Variants in FOXP1 observed in about 807,000 individuals in gnomAD.
The protein encoded by FOXP1 is forkhead box protein P1.
Under a neutral mutation model 98.2 loss-of-function variants are expected in FOXP1, and 15 were observed. The ratio of observed to expected loss-of-function variants is 0.15; its 90% CI spans 0.10 to 0.24. The LOEUF (loss-of-function observed/expected upper bound fraction) is 0.24. Among genes scored for constraint, FOXP1 ranks in the 10% least tolerant of loss-of-function variants. The pLI is 1.00. For synonymous variants in FOXP1, 371 were observed against 314.5 expected, an observed-to-expected ratio of 1.18 and a Z score of -1.90; for missense variants, 633 against 848.5, an observed-to-expected ratio of 0.75 and a Z score of 3.15.
chr3:71,048,936 C>T (rs2049429501), intron 9 of FOXP1, among the ~76,000 whole-genome samples: 1 of 151,976 alleles, frequency 6.6e-6, no homozygotes, highest in Non-Finnish European at 1.5e-5. Context: ...TAGGAAAAAG[C>T]TCATGAAAGC....
chr3:71,245,716 C>A (rs1323924717), intron 5 of FOXP1, among the ~76,000 whole-genome samples: 1 of 152,040 alleles, frequency 6.6e-6, no homozygotes, highest in East Asian at 1.9e-4. Flanking sequence ...CTTAACCATT[C>A]ATGCACCTGA....
intron 3 of FOXP1, among the ~76,000 whole-genome samples, chr3:71,407,713 T>C (rs1378694810): frequency 6.6e-6 from 1 of 151,924 alleles, no homozygotes; most frequent in Non-Finnish European, 1.5e-5. Flanking sequence ...ATGTCTTTGA[T>C]GCCGTGAAAT....
chr3:71,312,422 T>A (rs1490465291), intron 4 of FOXP1, among the ~76,000 whole-genome samples: 1 of 152,246 alleles, frequency 6.6e-6, no homozygotes, highest in Non-Finnish European at 1.5e-5. Context: ...AATTCAGGCT[T>A]CAAGCTCCCC....
intron 1 of FOXP1, 122 bp downstream of exon 1, chr3:71,583,449 C>G: frequency 1.0e-6 from 1 of 958,254 alleles, no homozygotes; most frequent in Non-Finnish European, 1.2e-6. Flanking sequence ...CATTTTTTTT[C>G]TCTTTTTCTT....
intron 7 of FOXP1, among the ~76,000 whole-genome samples, chr3:71,085,735 C>CTTTTTTTCTTTTTTTTTTTTTTT (rs2054987903): frequency 2.7e-5 from 1 of 37,038 alleles, no homozygotes; most frequent in Non-Finnish European, 4.7e-5. Context: ...CATTTATGGC[C>CTTTTTTTCTTTTTTTTTTTTTTT]TTTTTTTTTT....
intron 7 of FOXP1, among the ~76,000 whole-genome samples, chr3:71,102,888 A>T (rs2057091824): frequency 6.6e-6 from 1 of 152,190 alleles, no homozygotes; most frequent in African/African-American, 2.4e-5. Context: ...TATCAGCTGT[A>T]TGGCCTTGGA....
intron 5 of FOXP1, among the ~76,000 whole-genome samples, chr3:71,284,826 T>C (rs2071940441): frequency 6.6e-6 from 1 of 152,200 alleles, no homozygotes; most frequent in East Asian, 1.9e-4. Flanking sequence ...GTCAACTATA[T>C]GTACATTCCA....
At chr3:71,391,753 C>T (rs1458117243) in intron 3 of FOXP1, among the ~76,000 whole-genome samples, 1 of 152,200 alleles carries the variant, frequency 6.6e-6, no homozygotes, top group Non-Finnish European at 1.5e-5. Flanking sequence ...GGAGAATTCT[C>T]TAGAGCTTCC....
chr3:71,572,308 C>A (rs1322269739), intron 2 of FOXP1: 1 of 152,068 alleles, frequency 6.6e-6, no homozygotes, highest in Admixed American at 6.5e-5. Context: ...AAAACACAGA[C>A]AAATGAACAA....
intron 3 of FOXP1, among the ~76,000 whole-genome samples, chr3:71,454,452 A>T (rs776383577): frequency 1.8e-4 from 28 of 152,212 alleles, no homozygotes; most frequent in Non-Finnish European, 3.1e-4. Context: ...AAAAGCACCC[A>T]AAGAGTCGCT....
intron 3 of FOXP1, among the ~76,000 whole-genome samples, chr3:71,492,513 T>C (rs1052671464): frequency 1.4e-4 from 22 of 152,072 alleles, no homozygotes; most frequent in African/African-American, 5.3e-4. Flanking sequence ...AGGTTACTAT[T>C]AAGCCTCCCA....
At chr3:71,034,181 TG>T (rs986173334) in intron 11 of FOXP1, among the ~76,000 whole-genome samples, 37 of 152,190 alleles carry the variant, frequency 2.4e-4, no homozygotes, top group African/African-American at 8.9e-4. Flanking sequence ...GGGATTTTCC[TG>T]GGGGCTTCTT....
At chr3:71,321,937 G>A (rs2075412639) in intron 4 of FOXP1, among the ~76,000 whole-genome samples, 1 of 152,144 alleles carries the variant, frequency 6.6e-6, no homozygotes, top group Non-Finnish European at 1.5e-5. Context: ...TATTTTTCAT[G>A]ATTATAAAGT....
In FOXP1 at chr3:71,210,122, A is replaced by G. The variant is rs117215413; in HGVS notation, c.-11-11730T>C. Among the ~76,000 whole-genome samples the G allele has an allele frequency of 1.8e-3, 270 of 152,238 alleles. 4 individuals carry two copies. The highest frequency in any genetic ancestry group is 0.011 in the East Asian group (56 of 5,182). On this transcript the variant is annotated intron_variant, in intron 5 of 20. Coordinates refer to ENST00000649528, the MANE Select transcript of FOXP1 (RefSeq NM_001349338.3). ...AACAATCAGGTTATTGGAATTTTCC[A>G]CTCTGTCTAAAAAGAAAGTAACAAA...
intron 14 of FOXP1, among the ~76,000 whole-genome samples, chr3:70,986,399 A>G (rs558023091): frequency 6.6e-6 from 1 of 152,190 alleles, no homozygotes; most frequent in Non-Finnish European, 1.5e-5. Flanking sequence ...CCATTATCCT[A>G]TCACTGTTTT....
chr3:71,377,555 C>G lies in FOXP1; in HGVS notation c.-167-18311G>C, dbSNP rs566479337. Among the ~76,000 whole-genome samples the G allele has an allele frequency of 3.3e-5, 5 of 152,110 alleles. No homozygotes were observed. The South Asian group carries it at 8.3e-4, about 25-fold the overall frequency. On this transcript the variant is annotated intron_variant, in intron 3 of 20. Coordinates refer to ENST00000649528, the MANE Select transcript of FOXP1 (RefSeq NM_001349338.3). ...GAGGCTTAAAATACTAAATAACCCCCCCAAGGTCACCGAGTTCCTAAGTAG... is the reference window on the plus strand; with the variant it reads ...GAGGCTTAAAATACTAAATAACCCCGCCAAGGTCACCGAGTTCCTAAGTAG...
At chr3:71,564,572 G>A (rs2046771666) in intron 2 of FOXP1, among the ~76,000 whole-genome samples, 2 of 152,216 alleles carry the variant, frequency 1.3e-5, no homozygotes, top group South Asian at 2.1e-4. Flanking sequence ...GTCGCTGCCC[G>A]TAACTACCAC....
rs546040424 is a variant in FOXP1, at chr3:71,170,573, C to T, written c.180+27629G>A. On this transcript the variant is annotated intron_variant, in intron 6 of 20. Coordinates refer to ENST00000649528, the MANE Select transcript of FOXP1 (RefSeq NM_001349338.3). ...TACCATGAAAATAAACTGTGAAAGT[C>T]GCTCGGATCCAGTCTTCATGGTTTC... Among the ~76,000 whole-genome samples the T allele has an allele frequency of 2.6e-5, 4 of 152,234 alleles. No homozygotes were observed. The South Asian group carries it at 6.2e-4, about 24-fold the overall frequency.
chr3:71,482,575 T>C (rs1449414420), intron 3 of FOXP1, among the ~76,000 whole-genome samples: 4 of 152,014 alleles, frequency 2.6e-5, no homozygotes, highest in Non-Finnish European at 5.9e-5. Context: ...TGATTTTTTA[T>C]TTTTAGTAGA....
Sources: gnomAD v4.1 joint callset for allele counts (sites outside exome capture counted in the v4.1 genomes callset) on GRCh38, gnomAD v4.1.1 for gene constraint, MANE v1.5 for transcripts, NCBI Gene and HGNC (gene_info 2026-07-23, HGNC 2026-07-21) for gene names.